The following GPATCH2L variants were observed in gnomAD, a reference collection of about 807,000 sequenced individuals.
GPATCH2L encodes the protein G-patch domain containing 2 like.
A neutral mutation model predicts 57.4 loss-of-function variants in GPATCH2L; 31 were observed. The observed-to-expected ratio is 0.54, with a 90% CI of 0.41 to 0.73. The LOEUF is 0.73. GPATCH2L is among the 30% of genes least tolerant of loss of function. The pLI, the probability that GPATCH2L is intolerant of heterozygous loss-of-function variation, is 0.00. For synonymous variants in GPATCH2L, 199 were observed against 210.7 expected (o/e 0.94, Z 0.48); for missense variants, 481 against 599.9 (o/e 0.80, Z 2.07).
At position 76,180,867 on chromosome 14, in the gene GPATCH2L, G is replaced by A. The variant is rs754396466; in HGVS notation, c.1193+18G>A. 4.1e-6 allele frequency: 6 copies of A among 1,468,192 alleles called. No individual in the cohort carries two copies. The highest frequency in any genetic ancestry group is 4.8e-6 in the Non-Finnish European group (5 of 1,046,564). 90.9% of individuals were successfully genotyped at this position (1,468,192 alleles called of 1,614,324 possible). ...TCTGCCAGGTAATTGTCTTTTAGTA[G>A]CGGTTATTTGCTTCTGGACAATACT... On this transcript the variant is annotated intron_variant, in intron 8 of 9. Coordinates refer to ENST00000261530, the MANE Select transcript of GPATCH2L (RefSeq NM_017926.4).
In GPATCH2L at chr14:76,195,913, G is replaced by A. The variant is rs758721277; in HGVS notation, c.1229G>A (p.Arg410His). The change falls in exon 9 of 10, where the codon CGT becomes CAT. Residue 410 changes from arginine to histidine, a missense_variant. By Grantham distance (29) the Arg-to-His change is conservative. Transcript: ENST00000261530. ...GTACACTGGGGACCACCATGTTCAC[G>A]TGACATCAAGAGGAAGCGGAAACCA... ...ANVHWGPPCS[R>H]DIKRKRKPVA... 9.9e-6 allele frequency: 16 copies of A among 1,613,664 alleles called. No individual in the cohort carries two copies. Among genetic ancestry groups the A allele is most frequent in the Admixed American group, 3.3e-5 (2 of 59,966 alleles).
intron 3 of GPATCH2L, among the ~76,000 whole-genome samples, chr14:76,168,860 A>G (rs1053379708): frequency 3.3e-5 from 5 of 152,204 alleles, no homozygotes; most frequent in Admixed American, 6.5e-5. Flanking sequence ...ACATTAGATT[A>G]TTGCTTTCCC....
chr14:76,165,043 G>A (rs2038765503), intron 2 of GPATCH2L, among the ~76,000 whole-genome samples: 3 of 152,220 alleles, frequency 2.0e-5, no homozygotes. Flanking sequence ...AGCCTTTGGA[G>A]CTGCAGGTTA....
intron 8 of GPATCH2L, among the ~76,000 whole-genome samples, chr14:76,183,364 C>G (rs528210193): frequency 7.2e-5 from 11 of 152,208 alleles, no homozygotes; most frequent in Non-Finnish European, 1.3e-4. Context: ...TTTGTCCTTA[C>G]TTCTAGACGT....
chr14:76,222,126 T>G (rs1355971591), intron 1 of GPATCH2L, among the ~76,000 whole-genome samples: 1 of 152,112 alleles, frequency 6.6e-6, no homozygotes, highest in Non-Finnish European at 1.5e-5. Context: ...CCAAAACTAC[T>G]CTAAACTCTA....
intron 2 of GPATCH2L, among the ~76,000 whole-genome samples, chr14:76,159,074 TA>T (rs2038446978): frequency 6.6e-6 from 1 of 152,240 alleles, no homozygotes; most frequent in Non-Finnish European, 1.5e-5. Context: ...TTTCACCATG[TA>T]ATGCGTAATA....
intron 2 of GPATCH2L, among the ~76,000 whole-genome samples, chr14:76,158,281 C>T (rs2038404500): frequency 6.6e-6 from 1 of 152,080 alleles, no homozygotes; most frequent in Admixed American, 6.5e-5. Flanking sequence ...CTAAACCTAC[C>T]CACTCCTTCT....
chr14:76,184,043 T>C (rs897127763), intron 8 of GPATCH2L, among the ~76,000 whole-genome samples: 1 of 151,980 alleles, frequency 6.6e-6, no homozygotes, highest in Non-Finnish European at 1.5e-5. Context: ...TGTGTGTGTG[T>C]GTGTGTGTGT....
chr14:76,232,940 C>T (rs75524691), intron 2 of GPATCH2L, among the ~76,000 whole-genome samples: 66 of 152,332 alleles, frequency 4.3e-4, no homozygotes, highest in African/African-American at 1.5e-3. Context: ...GGCCCAATGT[C>T]CCCATCATAA....
In GPATCH2L at chr14:76,210,235, T is replaced by A. The variant is rs2040424826; in HGVS notation, c.*8384T>A. ...TCAACAACTCTAAAGGTAGGTACTTTTATCTCCATTTTAAAACAATGAAAT... is the reference window on the plus strand; with the variant it reads ...TCAACAACTCTAAAGGTAGGTACTTATATCTCCATTTTAAAACAATGAAAT... On this transcript the variant is annotated 3_prime_UTR_variant, in exon 10 of 10. Coordinates refer to ENST00000261530, the MANE Select transcript of GPATCH2L (RefSeq NM_017926.4). 1.3e-5 allele frequency: 2 copies of A among 152,342 alleles called. No homozygotes were observed. Among genetic ancestry groups the A allele is most frequent in the Middle Eastern group, 3.4e-3 (1 of 294 alleles). The allele number at this position is 152,342 out of a possible 1,614,324, so 9.4% of individuals were successfully genotyped here. A position where few individuals can be genotyped will look rare whatever the true frequency, so the allele number is the denominator to read the frequency against.
intron 3 of GPATCH2L, among the ~76,000 whole-genome samples, chr14:76,170,236 C>G (rs935002945): frequency 5.9e-5 from 9 of 152,208 alleles, no homozygotes; most frequent in African/African-American, 2.2e-4. Context: ...TCTCATACTT[C>G]ATGGGATTGA....
intron 8 of GPATCH2L, among the ~76,000 whole-genome samples, chr14:76,195,119 G>A (rs903647115): frequency 3.3e-5 from 5 of 152,096 alleles, no homozygotes; most frequent in Admixed American, 3.3e-4. Context: ...ATCAGAGGCA[G>A]GATCTGTCTA....
intron 8 of GPATCH2L, among the ~76,000 whole-genome samples, chr14:76,193,846 T>A (rs1436837443): frequency 6.6e-6 from 1 of 152,196 alleles, no homozygotes; most frequent in African/African-American, 2.4e-5. Flanking sequence ...TATACACTGT[T>A]AGCCTTTGTT....
chr14:76,160,323 G>A (rs1413142510), intron 2 of GPATCH2L, among the ~76,000 whole-genome samples: 3 of 152,294 alleles, frequency 2.0e-5, no homozygotes, highest in South Asian at 4.1e-4. Flanking sequence ...GGCAGGCTCA[G>A]CACTTCTAAC....
rs2040328095 is a variant in GPATCH2L, at chr14:76,202,560, C to CACACACACAT, written c.*712_*713insCACACATACA. 7.3e-6 allele frequency: 1 copy of CACACACACAT among 137,068 alleles called. No individual in the cohort carries two copies. The highest frequency in any genetic ancestry group is 2.6e-5 in the African/African-American group (1 of 39,178). 8.5% of individuals were successfully genotyped at this position (137,068 alleles called of 1,614,324 possible). A position where few individuals can be genotyped will look rare whatever the true frequency, so the allele number is the denominator to read the frequency against. On this transcript the variant is annotated 3_prime_UTR_variant, in exon 10 of 10. Coordinates refer to ENST00000261530, the MANE Select transcript of GPATCH2L (RefSeq NM_017926.4). ...ATACACACACACACACACACACACA[C>CACACACACAT]ACAGATTGGTATAATGGAGAAGATG...
At chr14:76,152,497 A>G (rs374584372) in intron 1 of GPATCH2L, 78 of 357,836 alleles carry the variant, frequency 2.2e-4, no homozygotes, top group East Asian at 1.6e-3. Flanking sequence ...CCTCACTTCC[A>G]CCCTGCTCCT....
rs527614879 is a variant in GPATCH2L at position 76,173,897 on chromosome 14, G to A, written c.984+272G>A. 7 of 427,272 alleles carry A rather than the reference G, an allele frequency of 1.6e-5. No individual in the cohort carries two copies. The Admixed American group carries it at 2.4e-4, about 15-fold the overall frequency. 26.5% of individuals were successfully genotyped at this position (427,272 alleles called of 1,614,324 possible). A position where few individuals can be genotyped will look rare whatever the true frequency, so the allele number is the denominator to read the frequency against. ...GCCTGTAAACCTACAAGCCTGAGCTGTGTCTTCTGTAACTTTTGATTAATG... is the reference window on the plus strand; with the variant it reads ...GCCTGTAAACCTACAAGCCTGAGCTATGTCTTCTGTAACTTTTGATTAATG... On this transcript the variant is annotated intron_variant, in intron 5 of 9. Transcript: ENST00000261530.
intron 8 of GPATCH2L, among the ~76,000 whole-genome samples, chr14:76,189,776 C>T (rs1293923382): frequency 1.3e-5 from 2 of 152,072 alleles, no homozygotes; most frequent in Non-Finnish European, 2.9e-5. Context: ...TTATCATGTT[C>T]CATATCTTAG....
intron 2 of GPATCH2L, among the ~76,000 whole-genome samples, chr14:76,165,421 G>A (rs539563589): frequency 4.9e-4 from 75 of 151,722 alleles, no homozygotes; most frequent in African/African-American, 1.8e-3. Flanking sequence ...GAACCTGGGT[G>A]GTGGAGGTTA....
Sources: gnomAD v4.1 joint callset for allele counts (sites outside exome capture counted in the v4.1 genomes callset) on GRCh38, gnomAD v4.1.1 for gene constraint, MANE v1.5 for transcripts, NCBI Gene and HGNC (gene_info 2026-07-23, HGNC 2026-07-21) for gene names.